CNTNAP5: variants seen among roughly 807,000 people sequenced by gnomAD.
CNTNAP5 encodes contactin associated protein family member 5.
A neutral mutation model predicts 150.2 loss-of-function variants in CNTNAP5; 72 were observed. That is an observed-to-expected ratio of 0.48 (90% CI 0.40 to 0.58). The LOEUF (loss-of-function observed/expected upper bound fraction) is 0.58. CNTNAP5 is among the 20% of genes least tolerant of loss of function. The pLI is 0.00. For missense variants in CNTNAP5, 1,636 were observed against 1,626.2 expected (o/e 1.01, Z -0.10); for synonymous variants, 672 against 619.8 (o/e 1.08, Z -1.25).
chr2:124,721,500 A>AATAAATAC (rs139576470), intron 13 of CNTNAP5, among the ~76,000 whole-genome samples: 1 of 148,076 alleles, frequency 6.8e-6, no homozygotes, highest in Non-Finnish European at 1.5e-5. Context: ...TAAATAAATA[A>AATAAATAC]ATAAATAAAT....
intron 11 of CNTNAP5, among the ~76,000 whole-genome samples, chr2:124,607,194 G>T (rs1225975696): frequency 6.6e-6 from 1 of 152,070 alleles, no homozygotes; most frequent in Non-Finnish European, 1.5e-5. Flanking sequence ...GAGTGTCTCT[G>T]GGACCGTAAG....
intron 12 of CNTNAP5, among the ~76,000 whole-genome samples, chr2:124,634,023 G>C (rs1558713313): frequency 6.6e-6 from 1 of 152,204 alleles, no homozygotes; most frequent in Non-Finnish European, 1.5e-5. Context: ...CTCCAGGCTT[G>C]TGATGGGAGA....
chr2:124,294,996 C>G (rs1305770337), intron 3 of CNTNAP5, among the ~76,000 whole-genome samples: 2 of 152,044 alleles, frequency 1.3e-5, no homozygotes, highest in Non-Finnish European at 2.9e-5. Context: ...CACCCAGCTA[C>G]TCCGGAGGCT....
At chr2:124,190,212 G>C (rs1484056027) in intron 1 of CNTNAP5, among the ~76,000 whole-genome samples, 2 of 151,982 alleles carry the variant, frequency 1.3e-5, no homozygotes, top group African/African-American at 2.4e-5. Context: ...TATTGCTTTG[G>C]TGGTCTGAAT....
At chr2:124,529,224 A>G (rs1558941388) in intron 10 of CNTNAP5, among the ~76,000 whole-genome samples, 1 of 152,138 alleles carries the variant, frequency 6.6e-6, no homozygotes, top group Non-Finnish European at 1.5e-5. Context: ...GAAGCATCCT[A>G]CTTCATCAGC....
At chr2:124,389,903 C>A (rs1191459137) in intron 3 of CNTNAP5, among the ~76,000 whole-genome samples, 5 of 152,036 alleles carry the variant, frequency 3.3e-5, no homozygotes, top group African/African-American at 1.2e-4. Context: ...GAGGTCAAGG[C>A]TGCAGCGAGC....
intron 3 of CNTNAP5, among the ~76,000 whole-genome samples, chr2:124,362,380 C>T (rs527741282): frequency 4.2e-4 from 64 of 152,294 alleles, no homozygotes; most frequent in Non-Finnish European, 7.5e-4. Context: ...GTCCTGAAAG[C>T]GATAAAGAGG....
At chr2:124,052,323 T>C (rs1230353986) in intron 1 of CNTNAP5, among the ~76,000 whole-genome samples, 2 of 152,190 alleles carry the variant, frequency 1.3e-5, no homozygotes, top group African/African-American at 4.8e-5. Context: ...CAAATGATAG[T>C]AAAAACTCTG....
At chr2:124,563,162 C>A in intron 10 of CNTNAP5, 55 bp from the exon 11 acceptor site, 1 of 1,236,446 alleles carries the variant, frequency 8.1e-7, no homozygotes, top group Non-Finnish European at 1.2e-6. Flanking sequence ...TTGCTTTCCC[C>A]TTTCTGCCAA....
In CNTNAP5 at chr2:124,193,480, G is replaced by A. The variant is rs149191977; in HGVS notation, c.83-28225G>A. 3.3e-5 allele frequency among the ~76,000 whole-genome samples: 5 copies of A among 152,296 alleles called. No homozygotes were observed. The East Asian group carries it at 7.8e-4, about 24-fold the overall frequency. ...GGAAAACAGTGGTTGCTCAATAGAT[G>A]TCTGTTAAATTGAGGGAAAGTCTGA... On this transcript the variant is annotated intron_variant, in intron 1 of 23. Coordinates refer to ENST00000682447, the MANE Select transcript of CNTNAP5 (RefSeq NM_001367498.1).
intron 1 of CNTNAP5, among the ~76,000 whole-genome samples, chr2:124,113,775 A>T (rs988563998): frequency 4.6e-5 from 7 of 151,860 alleles, no homozygotes; most frequent in African/African-American, 1.4e-4. Context: ...TACCTTTCAC[A>T]TCCGTATTTA....
intron 12 of CNTNAP5, among the ~76,000 whole-genome samples, chr2:124,619,283 A>G (rs1677560145): frequency 6.6e-6 from 1 of 152,258 alleles, no homozygotes; most frequent in East Asian, 1.9e-4. Context: ...GCACATAAGG[A>G]GACCTTGCAG....
At chr2:124,447,952 C>G (rs1215586373) in intron 6 of CNTNAP5, among the ~76,000 whole-genome samples, 1 of 151,958 alleles carries the variant, frequency 6.6e-6, no homozygotes, top group Non-Finnish European at 1.5e-5. Context: ...TTTTGTGAGC[C>G]CTTGGTTAAC....
Position 124,914,091 on chromosome 2 carries a change from G to A in CNTNAP5, c.3728-1G>A, listed in dbSNP as rs2104771337. ...TCTCTTTCCTTCCCCTTTCTCTCCA[G>A]GGGTGATAGCAGTGGTGATATTCAT... On this transcript the variant is annotated splice_acceptor_variant, in intron 23 of 23. Transcript: ENST00000682447. LOFTEE classifies it high-confidence loss of function. The A allele has an allele frequency of 1.2e-6, 2 of 1,608,776 alleles. No individual in the cohort carries two copies. The highest frequency in any genetic ancestry group is 1.7e-6 in the Non-Finnish European group (2 of 1,176,066).
At chr2:124,298,109 C>G (rs1300294072) in intron 3 of CNTNAP5, among the ~76,000 whole-genome samples, 1 of 152,068 alleles carries the variant, frequency 6.6e-6, no homozygotes, top group African/African-American at 2.4e-5. Context: ...TCCCACATAT[C>G]CAATTATTTA....
chr2:124,640,041 A>G (rs1678057756), intron 12 of CNTNAP5, among the ~76,000 whole-genome samples: 1 of 152,104 alleles, frequency 6.6e-6, no homozygotes, highest in East Asian at 1.9e-4. Flanking sequence ...CCAGCCTGTT[A>G]GCGAAACTTG....
chr2:124,381,526 AG>A (rs1690795039), intron 3 of CNTNAP5, among the ~76,000 whole-genome samples: 1 of 152,094 alleles, frequency 6.6e-6, no homozygotes. Context: ...AAATGGTGAT[AG>A]GATCACCCCC....
chr2:124,816,110 C>T (rs926419392), intron 19 of CNTNAP5, among the ~76,000 whole-genome samples: 6 of 152,124 alleles, frequency 3.9e-5, no homozygotes, highest in East Asian at 1.9e-4. Context: ...ACTAGGAAGC[C>T]GGGGAGCTGG....
In CNTNAP5 at chr2:124,474,866, A is replaced by C; in HGVS notation, c.1046A>C (p.His349Pro). Residue 349 changes from histidine to proline, a missense_variant, in exon 7 of 24, where the codon CAT becomes CCT. Coordinates refer to ENST00000682447, the MANE Select transcript of CNTNAP5 (RefSeq NM_001367498.1). ...ATTGACCTGGCTAAGAGACGAAAGC[A>C]TCAGATCTATACTGTGGTAAGTCAG... ...NIIDLAKRRK[H>P]QIYTVGNVTF... 6.2e-7 allele frequency: 1 copy of C among 1,606,454 alleles called. No homozygotes were observed. Among genetic ancestry groups the C allele is most frequent in the Non-Finnish European group, 8.5e-7 (1 of 1,177,578 alleles).
Sources: gnomAD v4.1 joint callset for allele counts (sites outside exome capture counted in the v4.1 genomes callset) on GRCh38, gnomAD v4.1.1 for gene constraint, MANE v1.5 for transcripts, NCBI Gene and HGNC (gene_info 2026-07-23, HGNC 2026-07-21) for gene names.